Variants in OTOF observed in about 807,000 individuals in gnomAD.
OTOF encodes the protein otoferlin.
OTOF carries 218 observed loss-of-function variants against 236.8 expected under a neutral mutation model. The observed-to-expected ratio is 0.92, with a 90% CI of 0.82 to 1.03. The LOEUF (loss-of-function observed/expected upper bound fraction) is 1.03, where lower values mean the gene tolerates loss of function less well. Among genes scored for constraint, OTOF ranks in the 50% least tolerant of loss-of-function variants. The pLI is 0.00. For missense variants in OTOF, 2,590 were observed against 2,694.4 expected (o/e 0.96, Z 0.86); for synonymous variants, 1,041 against 1,072.5 (o/e 0.97, Z 0.57).
chr2:26,463,875 G>A, intron 40 of OTOF, 89 bp downstream of exon 40: 1 of 1,553,152 alleles, frequency 6.4e-7, no homozygotes. Context: ...CGGACAGCGT[G>A]AGGCCTGGCT....
intron 9 of OTOF, among the ~76,000 whole-genome samples, chr2:26,493,174 G>A (rs1013656036): frequency 3.3e-5 from 5 of 152,192 alleles, no homozygotes; most frequent in African/African-American, 1.2e-4. Flanking sequence ...AGGTTGTCCA[G>A]CTCGGGGGGC....
At chr2:26,512,756 T>A (rs773076861) in intron 5 of OTOF, among the ~76,000 whole-genome samples, 6 of 151,916 alleles carry the variant, frequency 3.9e-5, no homozygotes, top group Non-Finnish European at 7.4e-5. Context: ...CTGCTCGGGG[T>A]AGAAGTTGAC....
chr2:26,475,231 G>T, intron 25 of OTOF, 128 bp downstream of exon 25: 1 of 1,078,474 alleles, frequency 9.3e-7, no homozygotes, highest in Non-Finnish European at 1.4e-6. Flanking sequence ...TTCCCAGCCA[G>T]CACCTGGCCA....
At chr2:26,475,643 C>T (rs1665219885) in intron 24 of OTOF, 150 bp from the exon 25 acceptor site, 1 of 991,336 alleles carries the variant, frequency 1.0e-6, no homozygotes, top group Non-Finnish European at 1.5e-6. Flanking sequence ...AAAATCAAGG[C>T]TAATATGAGG....
Position 26,460,982 on chromosome 2 carries a change from GC to G in OTOF, c.5581del (p.Ala1861ProfsTer54), listed in dbSNP as rs1572399804. 1.9e-6 allele frequency: 3 copies of G among 1,613,754 alleles called. No homozygotes were observed. The highest frequency in any genetic ancestry group is 1.7e-6 in the Non-Finnish European group (2 of 1,179,950). ...LNRFPRGAKT[A>X]KQCTMEMATG... ...GGCCATCTCCATGGTGCACTGCTTG[GC>G]TGTCTTTGCGCCCCGCGGGAACCGG... On this transcript the variant is annotated frameshift_variant, in exon 44 of 47. Coordinates refer to ENST00000272371, the MANE Select transcript of OTOF (RefSeq NM_194248.3). LOFTEE classifies it high-confidence loss of function. The surrounding 1 kb of genome is among the most constrained non-coding windows in gnomAD (Gnocchi z 5.3).
intron 9 of OTOF, among the ~76,000 whole-genome samples, chr2:26,494,508 G>A (rs1665927266): frequency 6.6e-6 from 1 of 152,224 alleles, no homozygotes; most frequent in Non-Finnish European, 1.5e-5. Flanking sequence ...ACTTTGGATG[G>A]TCCAGTTCAG....
chr2:26,466,453 C>T (rs1664731132), intron 36 of OTOF: 1 of 528,242 alleles, frequency 1.9e-6, no homozygotes, highest in Non-Finnish European at 3.4e-6. Flanking sequence ...TTTCCTGCCT[C>T]AGCCTCCTCA....
intron 30 of OTOF, among the ~76,000 whole-genome samples, chr2:26,471,878 A>C (rs1664994878): frequency 6.6e-6 from 1 of 151,682 alleles, no homozygotes; most frequent in Admixed American, 6.6e-5. Context: ...TATGCACACA[A>C]GCGCACATGC....
intron 6 of OTOF, among the ~76,000 whole-genome samples, chr2:26,503,088 G>A (rs1464851758): frequency 6.6e-6 from 1 of 152,202 alleles, no homozygotes; most frequent in Non-Finnish European, 1.5e-5. Flanking sequence ...AGAGGGTGGG[G>A]GAGAGAGCCT....
Position 26,458,209 on chromosome 2 carries a change from G to A in OTOF, c.*29C>T, listed in dbSNP as rs763124191. 1.4e-5 allele frequency: 23 copies of A among 1,588,014 alleles called. No individual in the cohort carries two copies. Among genetic ancestry groups the A allele is most frequent in the South Asian group, 5.7e-5 (5 of 88,246 alleles). ...AGGGTTGAGGAACCAGACGAAGGCC[G>A]TGTCGGGCCGGCTGGGAAGTGGAAG... On this transcript the variant is annotated 3_prime_UTR_variant, in exon 47 of 47. Coordinates refer to ENST00000272371, the MANE Select transcript of OTOF (RefSeq NM_194248.3).
Position 26,480,688 on chromosome 2 carries a change from A to T in OTOF, c.1803+98T>A, listed in dbSNP as rs1034095405. ...TCCTGAGGTATGACTCCTCAGGTAG[A>T]CAGGGCAGCAACAGGCAAAGCCTGG... On this transcript the variant is annotated intron_variant, in intron 15 of 46. Coordinates refer to ENST00000272371, the MANE Select transcript of OTOF (RefSeq NM_194248.3). The T allele has an allele frequency of 4.0e-6, 4 of 988,204 alleles. No individual in the cohort carries two copies. In the Admixed American group the frequency reaches 5.3e-5, roughly 13 times the overall value. 61.2% of individuals were successfully genotyped at this position (988,204 alleles called of 1,614,324 possible). A position where few individuals can be genotyped will look rare whatever the true frequency, so the allele number is the denominator to read the frequency against.
Position 26,458,018 on chromosome 2 carries a change from G to GGCTGGCGGGA in OTOF, c.*210_*219dup. The GGCTGGCGGGA allele has an allele frequency of 6.2e-7, 1 of 1,606,204 alleles. No individual in the cohort carries two copies. The highest frequency in any genetic ancestry group is 8.5e-7 in the Non-Finnish European group (1 of 1,174,884). On this transcript the variant is annotated 3_prime_UTR_variant, in exon 47 of 47. Transcript: ENST00000272371. The stretch of plus-strand genomic sequence containing the variant: ...AGGAAATGCGGCAGGGCTGGGGAGC[G>GGCTGGCGGGA]GCTGGCGGGAGCTGGCGGCCTTCAT...
rs755212645 is a variant in OTOF at position 26,470,752 on chromosome 2, T to C, written c.3895-31A>G. On this transcript the variant is annotated intron_variant, in intron 31 of 46. Coordinates refer to ENST00000272371, the MANE Select transcript of OTOF (RefSeq NM_194248.3). This position sits in a 1 kb window ranked among gnomAD's most constrained non-coding sequence, Gnocchi z 4.3. ...GGTTGGCCAGGTCCAGAGTCCTACA[T>C]GGACTCCTCCTGCCTGGACAATCCC... is the stretch of plus-strand genomic sequence containing the variant. 1 of 1,608,660 alleles carries C rather than the reference T, an allele frequency of 6.2e-7. No homozygotes were observed. Among genetic ancestry groups the C allele is most frequent in the Non-Finnish European group, 8.5e-7 (1 of 1,179,186 alleles).
Position 26,480,886 on chromosome 2 carries a change from C to G in OTOF, c.1703G>C (p.Arg568Pro). The change falls in exon 15 of 47, where the codon CGG becomes CCG. Residue 568 changes from arginine to proline, a missense_variant. This residue lies in a region of OTOF where 1,379 missense variants were observed against 1,341.6 expected (regional missense o/e 1.03). Coordinates refer to ENST00000272371, the MANE Select transcript of OTOF (RefSeq NM_194248.3). ...GLGEGVSFRA[R>P]LLLGLAVEIV... is the part of the protein sequence containing the mutation. ...CTCCACAGCCAGGCCCAGCAGGAGC[C>G]GGGCCCGGAAGGACACACCCTCCCC... 2.5e-6 allele frequency: 4 copies of G among 1,612,966 alleles called. No individual in the cohort carries two copies. The highest frequency in any genetic ancestry group is 3.4e-6 in the Non-Finnish European group (4 of 1,179,918).
Position 26,470,474 on chromosome 2 carries a change from A to C in OTOF, c.4023+119T>G, listed in dbSNP as rs928570214. 9.8e-7 allele frequency: 1 copy of C among 1,016,096 alleles called. No individual in the cohort carries two copies. The highest frequency in any genetic ancestry group is 1.3e-5 in the South Asian group (1 of 77,260). 62.9% of individuals were successfully genotyped at this position (1,016,096 alleles called of 1,614,324 possible). The stretch of plus-strand genomic sequence containing the variant: ...GATTTCAAGGATGTGAGACAAAACC[A>C]TCCCAAACTCACATGAATGGAGTTG... On this transcript the variant is annotated intron_variant, in intron 32 of 46. Coordinates refer to ENST00000272371, the MANE Select transcript of OTOF (RefSeq NM_194248.3). This position sits in a 1 kb window ranked among gnomAD's most constrained non-coding sequence, Gnocchi z 4.3.
At position 26,527,822 on chromosome 2, in the gene OTOF, C is replaced by T. The variant is rs1572479666; in HGVS notation, c.227+10G>A. On this transcript the variant is annotated intron_variant, in intron 3 of 46. Coordinates refer to ENST00000272371, the MANE Select transcript of OTOF (RefSeq NM_194248.3). ...CAGGCCCAGCCCCTCCTGCCCCATCCCACACTTACTTGTTGCTGAAGACTT... is the reference window on the plus strand; with the variant it reads ...CAGGCCCAGCCCCTCCTGCCCCATCTCACACTTACTTGTTGCTGAAGACTT... The T allele has an allele frequency of 6.2e-7, 1 of 1,601,160 alleles. No individual in the cohort carries two copies. Among genetic ancestry groups the T allele is most frequent in the Admixed American group, 1.7e-5 (1 of 60,016 alleles).
At chr2:26,549,077 T>C (rs1667401038) in intron 1 of OTOF, among the ~76,000 whole-genome samples, 3 of 152,232 alleles carry the variant, frequency 2.0e-5, no homozygotes, top group Admixed American at 2.0e-4. Context: ...AATGTTAATA[T>C]GTTGTATTTT....
At chr2:26,544,266 C>A (rs1004415543) in intron 1 of OTOF, among the ~76,000 whole-genome samples, 2 of 151,958 alleles carry the variant, frequency 1.3e-5, no homozygotes, top group Admixed American at 1.3e-4. Flanking sequence ...AATGCATTTC[C>A]CTGTATACCG....
At chr2:26,519,154 G>C in intron 3 of OTOF, 45 bp from the exon 4 acceptor site, 10 of 1,292,864 alleles carry the variant, frequency 7.7e-6, no homozygotes, top group Non-Finnish European at 1.1e-5. Context: ...GAAGAGACCA[G>C]GGTGAGGAGC....
Sources: allele counts gnomAD v4.1 joint callset (sites outside exome capture counted in the v4.1 genomes callset), GRCh38; gene constraint gnomAD v4.1.1; regional missense constraint gnomAD v4.1.1; non-coding constraint Gnocchi (gnomAD v3.1); transcripts MANE v1.5; gene names NCBI Gene and HGNC (gene_info 2026-07-23, HGNC 2026-07-21).